ESCO2: variants seen among roughly 807,000 people sequenced by gnomAD.
The protein encoded by ESCO2 is establishment of sister chromatid cohesion N-acetyltransferase 2.
In ESCO2, 51 loss-of-function variants were observed where a neutral mutation model predicts 61.7. The observed-to-expected ratio is 0.83, with a 90% CI of 0.66 to 1.04. The LOEUF is 1.04. Among genes scored for constraint, ESCO2 ranks in the 50% least tolerant of loss-of-function variants. The pLI is 0.00. For missense variants in ESCO2, 692 were observed against 686.2 expected (o/e 1.01, Z -0.09); for synonymous variants, 230 against 238.2 (o/e 0.97, Z 0.32).
downstream of ESCO2, chr8:27,811,009 T>C (rs36086402): frequency 1.2e-6 from 2 of 1,612,566 alleles, no homozygotes; most frequent in African/African-American, 1.3e-5. Flanking sequence ...GATAAAGTCA[T>C]CATTTCCCAC....
At chr8:27,779,031 C>T (rs1804864858) in intron 3 of ESCO2, 1 of 152,480 alleles carries the variant, frequency 6.6e-6, no homozygotes, top group Non-Finnish European at 1.5e-5. Context: ...TTCTCTGCCT[C>T]AGCCTCCCAA....
chr8:27,798,970 G>A (rs1387786279), intron 9 of ESCO2, among the ~76,000 whole-genome samples: 1 of 152,106 alleles, frequency 6.6e-6, no homozygotes, highest in Non-Finnish European at 1.5e-5. Flanking sequence ...ATATACAGGT[G>A]TGATTAAGTG....
chr8:27,794,752 A>T (rs867806597), intron 9 of ESCO2, among the ~76,000 whole-genome samples: 3 of 151,808 alleles, frequency 2.0e-5, no homozygotes, highest in Admixed American at 6.6e-5. Context: ...TGATTTTTGT[A>T]TGTGGTTTGA....
rs1310124677 is a variant in ESCO2 at position 27,804,849 on chromosome 8, T to G, written c.*1411T>G. The G allele has an allele frequency of 1.3e-6, 1 of 791,270 alleles. No individual in the cohort carries two copies. The highest frequency in any genetic ancestry group is 1.5e-6 in the Non-Finnish European group (1 of 652,556). 49.0% of individuals were successfully genotyped at this position (791,270 alleles called of 1,614,324 possible). Reference sequence around the variant, plus strand: ...TTTATTTAAAATTTTTAATTAACATTTTGTTTGCTTAATGCTTTTGTTATG... The same window carrying G: ...TTTATTTAAAATTTTTAATTAACATGTTGTTTGCTTAATGCTTTTGTTATG... On this transcript the variant is annotated 3_prime_UTR_variant, in exon 11 of 11. Transcript: ENST00000305188.
downstream of ESCO2, among the ~76,000 whole-genome samples, chr8:27,815,535 C>T (rs1585423303): frequency 6.6e-6 from 1 of 152,108 alleles, no homozygotes. Flanking sequence ...AAGAGAAAAG[C>T]CTATAGACAT....
At chr8:27,798,335 C>T (rs942276455) in intron 9 of ESCO2, among the ~76,000 whole-genome samples, 1 of 152,104 alleles carries the variant, frequency 6.6e-6, no homozygotes, top group African/African-American at 2.4e-5. Flanking sequence ...TGGTGCATGC[C>T]TGTAATCCCA....
downstream of ESCO2, among the ~76,000 whole-genome samples, chr8:27,809,388 C>T (rs960161310): frequency 3.3e-5 from 5 of 152,062 alleles, no homozygotes; most frequent in African/African-American, 1.2e-4. Flanking sequence ...CTGAGAACGC[C>T]CTGTGTCGGT....
intron 3 of ESCO2, chr8:27,779,877 G>A (rs1804883820): frequency 2.6e-5 from 8 of 308,958 alleles, no homozygotes; most frequent in South Asian, 2.3e-4. Flanking sequence ...ATGTTAGCCA[G>A]GATGGTCTCA....
At chr8:27,778,681 T>G (rs1173362306) in intron 3 of ESCO2, 1 of 152,190 alleles carries the variant, frequency 6.6e-6, no homozygotes, top group Non-Finnish European at 1.5e-5. Context: ...AAATGAATGG[T>G]GACCTGATGA....
At chr8:27,781,200 C>T (rs1055479513) in intron 4 of ESCO2, among the ~76,000 whole-genome samples, 2 of 152,064 alleles carry the variant, frequency 1.3e-5, no homozygotes, top group Non-Finnish European at 2.9e-5. Context: ...CCCTACTACT[C>T]TAGGTCCTGA....
chr8:27,781,758 G>A (rs1267198776), intron 4 of ESCO2, among the ~76,000 whole-genome samples: 1 of 151,740 alleles, frequency 6.6e-6, no homozygotes, highest in Admixed American at 6.6e-5. Context: ...CACCATGTTG[G>A]CCATGCTGGT....
At chr8:27,802,807 C>T (rs977320422) in intron 10 of ESCO2, among the ~76,000 whole-genome samples, 2 of 149,376 alleles carry the variant, frequency 1.3e-5, no homozygotes, top group African/African-American at 4.9e-5. Context: ...AGTGCAGTGG[C>T]GAGATATCGG....
chr8:27,810,897 T>G, downstream of ESCO2: 1 of 1,107,082 alleles, frequency 9.0e-7, no homozygotes, highest in South Asian at 1.3e-5. Flanking sequence ...AAAGATAAAA[T>G]TATATAATCT....
rs1804791002 is a variant in ESCO2 at position 27,776,450 on chromosome 8, C to T, written c.142C>T (p.His48Tyr). ...QNSDKNEENL[H>Y]CSQQEHFVLS... ...CAGTGATAAAAATGAAGAAAACCTG[C>T]ATTGCTCTCAACAAGAGCATTTTGT... Residue 48 changes from histidine to tyrosine, a missense_variant, in exon 3 of 11, where the codon CAT (histidine) becomes TAT (tyrosine). Coordinates refer to ENST00000305188, the MANE Select transcript of ESCO2 (RefSeq NM_001017420.3). The T allele has an allele frequency of 4.3e-6, 7 of 1,609,250 alleles. 1 individual carries two copies. Among genetic ancestry groups the T allele is most frequent in the South Asian group, 2.2e-5 (2 of 89,516 alleles).
chr8:27,780,011 GT>G, intron 3 of ESCO2, 162 bp from the exon 4 acceptor site: 2 of 597,020 alleles, frequency 3.3e-6, no homozygotes, highest in Non-Finnish European at 6.0e-6. Flanking sequence ...TACAGGGGAA[GT>G]TTTCCTAAAA....
At chr8:27,811,441 T>C, downstream of ESCO2, 1 of 484,208 alleles carries the variant, frequency 2.1e-6, no homozygotes, top group Non-Finnish European at 3.8e-6. Context: ...TTGGGTTGGT[T>C]CAAAGACATG....
chr8:27,794,123 T>C (rs1805242221), intron 9 of ESCO2, among the ~76,000 whole-genome samples: 1 of 152,256 alleles, frequency 6.6e-6, no homozygotes, highest in East Asian at 1.9e-4. Flanking sequence ...CCACATTTTC[T>C]TTATTCATTC....
downstream of ESCO2, chr8:27,811,379 A>T (rs1371610045): frequency 1.7e-6 from 1 of 580,412 alleles, no homozygotes; most frequent in Non-Finnish European, 3.1e-6. Context: ...AATTAGTAGG[A>T]ATATAGAATG....
chr8:27,782,478 G>A (rs2128952990), intron 4 of ESCO2, among the ~76,000 whole-genome samples: 2 of 152,196 alleles, frequency 1.3e-5, no homozygotes, highest in East Asian at 3.9e-4. Flanking sequence ...TGGGCAGGGT[G>A]GTCTCAAACT....
Sources: allele counts gnomAD v4.1 joint callset (sites outside exome capture counted in the v4.1 genomes callset), GRCh38; gene constraint gnomAD v4.1.1; transcripts MANE v1.5; gene names NCBI Gene and HGNC (gene_info 2026-07-23, HGNC 2026-07-21).